The following DNAH3 variants were observed in gnomAD, a reference collection of about 807,000 sequenced individuals.
The protein encoded by DNAH3 is dynein axonemal heavy chain 3.
DNAH3 carries 332 observed loss-of-function variants against 432.5 expected under a neutral mutation model. That is an observed-to-expected ratio of 0.77 (90% CI 0.70 to 0.84). The LOEUF is 0.84. Ranked by LOEUF, DNAH3 falls within the 40% of genes least tolerant of loss-of-function variation. DNAH3 has a pLI of 0.00. For missense variants in DNAH3, 4,861 were observed against 5,114.0 expected (o/e 0.95, Z 1.51); for synonymous variants, 1,956 against 1,900.2 (o/e 1.03, Z -0.76).
chr16:21,070,080 C>T (rs1456696999), intron 22 of DNAH3, among the ~76,000 whole-genome samples: 3 of 152,150 alleles, frequency 2.0e-5, no homozygotes, highest in Non-Finnish European at 4.4e-5. Context: ...GTCACTGCTA[C>T]AAACAATGAG....
At chr16:21,096,853 T>G (rs2091697305) in intron 18 of DNAH3, among the ~76,000 whole-genome samples, 1 of 152,160 alleles carries the variant, frequency 6.6e-6, no homozygotes, top group Non-Finnish European at 1.5e-5. Flanking sequence ...GCTAGTAAGT[T>G]CTTTAAGCAT....
intron 35 of DNAH3, 27 bp from the exon 36 acceptor site, chr16:21,034,112 A>C (rs1359977920): frequency 6.7e-7 from 1 of 1,502,076 alleles, no homozygotes; most frequent in East Asian, 2.3e-5. Context: ...TTCATAAAAG[A>C]AGCTAATCAT....
At chr16:21,099,429 G>T (rs1313489803) in intron 16 of DNAH3, among the ~76,000 whole-genome samples, 3 of 152,222 alleles carry the variant, frequency 2.0e-5, no homozygotes, top group Non-Finnish European at 4.4e-5. Context: ...GAGGGCTACT[G>T]TAGCTACAGT....
exon 16 of DNAH3, chr16:21,104,493 C>T: frequency 6.2e-7 from 1 of 1,613,964 alleles, no homozygotes; most frequent in Non-Finnish European, 8.5e-7. Context: ...TCCATTTCTG[C>T]CTGATCCCTC....
intron 26 of DNAH3, among the ~76,000 whole-genome samples, chr16:21,058,560 C>T (rs1471679378): frequency 6.6e-6 from 1 of 152,080 alleles, no homozygotes; most frequent in Non-Finnish European, 1.5e-5. Flanking sequence ...TGTTTCTCCA[C>T]CCCACAATTC....
intron 14 of DNAH3, among the ~76,000 whole-genome samples, chr16:21,111,240 T>G (rs1484003384): frequency 2.0e-5 from 3 of 152,172 alleles, no homozygotes; most frequent in Non-Finnish European, 4.4e-5. Context: ...TAGGAGTGAT[T>G]CTAAGGAAAA....
At chr16:20,978,494 G>A (rs1488619864) in intron 50 of DNAH3, among the ~76,000 whole-genome samples, 1 of 152,182 alleles carries the variant, frequency 6.6e-6, no homozygotes, top group Admixed American at 6.6e-5. Context: ...GCGCCACTGA[G>A]TTCCAGCCTC....
intron 41 of DNAH3, among the ~76,000 whole-genome samples, chr16:21,015,437 T>C (rs902556809): frequency 1.3e-5 from 2 of 152,176 alleles, no homozygotes; most frequent in Non-Finnish European, 2.9e-5. Context: ...CAGGATTTTT[T>C]TGGGTTGTGT....
intron 28 of DNAH3, among the ~76,000 whole-genome samples, chr16:21,053,453 ATGTG>A (rs939931700): frequency 1.1e-4 from 16 of 152,080 alleles, no homozygotes; most frequent in Non-Finnish European, 2.1e-4. Context: ...GTGCACTTGC[ATGTG>A]TGTGTGTATG....
intron 44 of DNAH3, among the ~76,000 whole-genome samples, chr16:20,989,807 C>A (rs1219410740): frequency 6.6e-6 from 1 of 152,242 alleles, no homozygotes; most frequent in Non-Finnish European, 1.5e-5. Flanking sequence ...AGCTAAGGCT[C>A]AGTGAGAAAT....
Position 20,963,276 on chromosome 16 carries a change from G to C in DNAH3, c.10600+8C>G. On this transcript the variant is annotated splice_region_variant and intron_variant, in intron 53 of 61. Coordinates refer to ENST00000261383, the Ensembl canonical transcript of DNAH3. ...TTCCACGTCTCTCCCACAACACTCT[G>C]TTCTTACCTGCCATTGGGTCTGCAC... 1 of 1,611,596 alleles carries C rather than the reference G, an allele frequency of 6.2e-7. No individual in the cohort carries two copies. Among genetic ancestry groups the C allele is most frequent in the South Asian group, 1.1e-5 (1 of 90,952 alleles).
chr16:21,071,850 G>A (rs1344854419), intron 21 of DNAH3, among the ~76,000 whole-genome samples: 1 of 151,980 alleles, frequency 6.6e-6, no homozygotes, highest in Non-Finnish European at 1.5e-5. Flanking sequence ...CTATATTCCT[G>A]CTTCTTCACT....
chr16:20,951,146 A>C (rs2084291200), intron 56 of DNAH3, among the ~76,000 whole-genome samples: 1 of 152,058 alleles, frequency 6.6e-6, no homozygotes. Context: ...ACATTCTTCC[A>C]TATTATGTAC....
exon 43 of DNAH3, chr16:21,000,500 G>T: frequency 6.2e-7 from 1 of 1,608,218 alleles, no homozygotes; most frequent in Non-Finnish European, 8.5e-7. Context: ...TCCATTGTGG[G>T]GATGATGAGT....
intron 23 of DNAH3, among the ~76,000 whole-genome samples, chr16:21,067,761 G>GC (rs918537805): frequency 1.1e-5 from 1 of 87,644 alleles, no homozygotes; most frequent in Admixed American, 1.2e-4. Flanking sequence ...CAGTCTTGGG[G>GC]GGGGGGGTGG....
intron 19 of DNAH3, among the ~76,000 whole-genome samples, chr16:21,085,527 CAAAAA>C (rs34136946): frequency 1.2e-5 from 1 of 81,320 alleles, no homozygotes. Context: ...GATTCCACCT[CAAAAA>C]AAAAAAAAAA....
At chr16:21,146,639 T>C (rs2092787474) in intron 1 of DNAH3, among the ~76,000 whole-genome samples, 1 of 152,262 alleles carries the variant, frequency 6.6e-6, no homozygotes, top group Admixed American at 6.5e-5. Flanking sequence ...TGTTCAAGAA[T>C]ACAATATATT....
chr16:21,126,736 C>G (rs1259598314), intron 8 of DNAH3, among the ~76,000 whole-genome samples: 1 of 152,150 alleles, frequency 6.6e-6, no homozygotes, highest in Non-Finnish European at 1.5e-5. Context: ...TACAGCCGCT[C>G]CCCATGGCTT....
chr16:20,989,308 G>A (rs2086413874), intron 44 of DNAH3, among the ~76,000 whole-genome samples: 1 of 151,726 alleles, frequency 6.6e-6, no homozygotes, highest in South Asian at 2.1e-4. Flanking sequence ...GGTTCTCCAA[G>A]GCCCCACCAG....
Sources: allele counts gnomAD v4.1 joint callset (sites outside exome capture counted in the v4.1 genomes callset), GRCh38; gene constraint gnomAD v4.1.1; transcripts MANE v1.5; gene names NCBI Gene and HGNC (gene_info 2026-07-23, HGNC 2026-07-21).